The following DCBLD2 variants were observed in gnomAD, a reference collection of about 807,000 sequenced individuals.
DCBLD2 encodes the protein discoidin, CUB and LCCL domain containing 2.
In DCBLD2, 54 loss-of-function variants were observed where a neutral mutation model predicts 86.8. The ratio of observed to expected loss-of-function variants is 0.62; its 90% CI spans 0.50 to 0.78. DCBLD2 has a LOEUF of 0.78. DCBLD2 is among the 30% of genes least tolerant of loss of function. DCBLD2 has a pLI of 0.00. For synonymous variants in DCBLD2, 354 were observed against 341.3 expected (o/e 1.04, Z -0.41); for missense variants, 908 against 954.2 (o/e 0.95, Z 0.64).
rs181289308 is a variant in DCBLD2, at chr3:98,805,410, C to T, written c.1670+2671G>A. The stretch of plus-strand genomic sequence containing the variant: ...CTTTTCTAAATAGAAGTTAGATGCC[C>T]TATATTGCTAGGACAACAAATTTAT... On this transcript the variant is annotated intron_variant, in intron 13 of 15. Coordinates refer to ENST00000326840, the MANE Select transcript of DCBLD2 (RefSeq NM_080927.4). Among the ~76,000 whole-genome samples, 484 of 152,018 alleles carry T rather than the reference C, an allele frequency of 3.2e-3. 2 individuals carry two copies. The highest frequency in any genetic ancestry group is 4.9e-3 in the Non-Finnish European group (336 of 67,956).
chr3:98,812,099 C>T (rs1397340516), intron 10 of DCBLD2, among the ~76,000 whole-genome samples: 9 of 152,156 alleles, frequency 5.9e-5, no homozygotes, highest in Non-Finnish European at 8.8e-5. Context: ...ATCTCATTTA[C>T]ATTATCTTAT....
intron 3 of DCBLD2, among the ~76,000 whole-genome samples, chr3:98,847,899 G>A (rs376655437): frequency 1.3e-5 from 2 of 152,206 alleles, no homozygotes; most frequent in Admixed American, 6.5e-5. Flanking sequence ...GCTAAAACAC[G>A]TGAGAGAGTT....
At chr3:98,803,342 CTCTG>C (rs564070399) in intron 13 of DCBLD2, among the ~76,000 whole-genome samples, 289 of 151,814 alleles carry the variant, frequency 1.9e-3, no homozygotes, top group Admixed American at 6.6e-3. Context: ...TGATTTGGCT[CTCTG>C]TCTGTTATTG....
At chr3:98,836,919 G>T (rs1256916952) in intron 3 of DCBLD2, among the ~76,000 whole-genome samples, 2 of 78,454 alleles carry the variant, frequency 2.5e-5, no homozygotes, top group African/African-American at 5.0e-5. Flanking sequence ...CCGGGCGGGG[G>T]GCTGACCCCC....
chr3:98,868,540 G>A (rs996463183), intron 2 of DCBLD2, among the ~76,000 whole-genome samples: 2 of 152,100 alleles, frequency 1.3e-5, no homozygotes, highest in Non-Finnish European at 1.5e-5. Context: ...TGAAATCTGA[G>A]CTTTTAGTGT....
At position 98,874,023 on chromosome 3, in the gene DCBLD2, G is replaced by A. The variant is rs180826412; in HGVS notation, c.433+7517C>T. 6.2e-3 allele frequency among the ~76,000 whole-genome samples: 944 copies of A among 152,250 alleles called. 11 individuals are homozygous for A. The highest frequency in any genetic ancestry group is 0.022 in the African/African-American group (895 of 41,562). ...ATGGGTAATTTACCAGGCAAGTACC[G>A]TTTATTACAATTGGACCCATTAGAG... On this transcript the variant is annotated intron_variant, in intron 2 of 15. Transcript: ENST00000326840.
At chr3:98,898,311 T>C (rs1943785539) in intron 1 of DCBLD2, among the ~76,000 whole-genome samples, 2 of 151,398 alleles carry the variant, frequency 1.3e-5, no homozygotes, top group South Asian at 4.2e-4. Context: ...ATGACATTAA[T>C]TGGAATGAAG....
intron 3 of DCBLD2, among the ~76,000 whole-genome samples, chr3:98,839,179 T>TTTTCCTTCCTTCCTTC (rs1559781597): frequency 8.8e-6 from 1 of 113,164 alleles, no homozygotes; most frequent in Non-Finnish European, 1.8e-5. Context: ...TTCCTTTCTT[T>TTTTCCTTCCTTCCTTC]CTTCCTTCCT....
Position 98,798,912 on chromosome 3 carries a change from T to C in DCBLD2, c.*460A>G, listed in dbSNP as rs960473901. 2.0e-5 allele frequency: 3 copies of C among 152,738 alleles called. No homozygotes were observed. The highest frequency in any genetic ancestry group is 2.9e-5 in the Non-Finnish European group (2 of 68,328). 9.5% of individuals were successfully genotyped at this position (152,738 alleles called of 1,614,324 possible). A position where few individuals can be genotyped will look rare whatever the true frequency, so the allele number is the denominator to read the frequency against. On this transcript the variant is annotated 3_prime_UTR_variant, in exon 16 of 16. Transcript: ENST00000326840. ...ATTAAAAAAAATCCAGAAAAGAATA[T>C]AGGAATAGAAGAGGAAATCATGATA...
intron 2 of DCBLD2, among the ~76,000 whole-genome samples, chr3:98,868,640 T>C (rs1943204048): frequency 6.6e-6 from 1 of 152,114 alleles, no homozygotes; most frequent in African/African-American, 2.4e-5. Context: ...CGATGTCCAT[T>C]ACAGCATTCT....
At chr3:98,859,817 C>T (rs576180351) in intron 2 of DCBLD2, among the ~76,000 whole-genome samples, 1 of 152,154 alleles carries the variant, frequency 6.6e-6, no homozygotes, top group Admixed American at 6.5e-5. Context: ...ATCAGAGCAC[C>T]TCTCCCCCCA....
chr3:98,850,450 T>G (rs746601860), intron 2 of DCBLD2, among the ~76,000 whole-genome samples: 3 of 152,234 alleles, frequency 2.0e-5, no homozygotes, highest in Non-Finnish European at 4.4e-5. Context: ...GGCCACAGGT[T>G]GGACAAGCTT....
At chr3:98,882,821 C>G (rs1159340094) in intron 1 of DCBLD2, among the ~76,000 whole-genome samples, 2 of 152,124 alleles carry the variant, frequency 1.3e-5, no homozygotes, top group Non-Finnish European at 2.9e-5. Flanking sequence ...CAGTCTATTA[C>G]TGATGAACAC....
At chr3:98,897,814 A>C (rs141251511) in intron 1 of DCBLD2, among the ~76,000 whole-genome samples, 247 of 152,256 alleles carry the variant, frequency 1.6e-3, no homozygotes, top group Admixed American at 6.5e-3. Context: ...CCATGTTCAA[A>C]TTACATTCTA....
chr3:98,848,968 G>A (rs1244629727), intron 3 of DCBLD2, among the ~76,000 whole-genome samples: 1 of 152,068 alleles, frequency 6.6e-6, no homozygotes, highest in Admixed American at 6.6e-5. Context: ...TCAGGAGTTC[G>A]AGACCAGCCT....
In DCBLD2 at chr3:98,799,770, C is replaced by T. The variant is rs1941682034; in HGVS notation, c.1930G>A (p.Gly644Arg). The change falls in exon 16 of 16, where the codon GGA (glycine) becomes AGA (arginine). Residue 644 changes from glycine (G) to arginine (R), a missense_variant. Coordinates refer to ENST00000326840, the MANE Select transcript of DCBLD2 (RefSeq NM_080927.4). ...AGGTCTGCATAGCCTGCTTCTTTTC[C>T]TTCTTCTGGTTTAAAGGTAGATCTT... ...HQRSTFKPEE[G>R]KEAGYADLDP... is the part of the protein sequence containing the mutation. 2 of 1,613,882 alleles carry T rather than the reference C, an allele frequency of 1.2e-6. No individual in the cohort carries two copies. Among genetic ancestry groups the T allele is most frequent in the Non-Finnish European group, 1.7e-6 (2 of 1,179,854 alleles).
Position 98,820,288 on chromosome 3 carries a change from C to T in DCBLD2, c.831G>A (p.Val277=). Reference sequence around the variant, plus strand: ...TAAAAAGACTTGTAGATAAGTGTCCCCTGAAAGAGAGAAGGGTTTTTTTTG... The same window carrying T: ...TAAAAAGACTTGTAGATAAGTGTCCTCTGAAAGAGAGAAGGGTTTTTTTTG... ...SSLANNVTSV[V]GHLSTSLFTF... The change falls in exon 7 of 16, where the codon GTG becomes GTA. Residue 277 remains valine (V), a splice_region_variant and synonymous_variant. Transcript: ENST00000326840. 6.8e-7 allele frequency: 1 copy of T among 1,465,706 alleles called. No homozygotes were observed. Among genetic ancestry groups the T allele is most frequent in the Non-Finnish European group, 9.0e-7 (1 of 1,108,328 alleles). The allele number at this position is 1,465,706 out of a possible 1,614,324, so 90.8% of individuals were successfully genotyped here. A position where few individuals can be genotyped will look rare whatever the true frequency, so the allele number is the denominator to read the frequency against.
chr3:98,825,217 T>C, intron 4 of DCBLD2, 98 bp downstream of exon 4: 1 of 902,922 alleles, frequency 1.1e-6, no homozygotes, highest in Non-Finnish European at 1.6e-6. Flanking sequence ...TCACACAATA[T>C]ACATTAACCC....
chr3:98,879,912 T>G (rs1943436561), intron 2 of DCBLD2, among the ~76,000 whole-genome samples: 1 of 152,234 alleles, frequency 6.6e-6, no homozygotes, highest in Non-Finnish European at 1.5e-5. Context: ...GACCAAACTG[T>G]GGTTCACTTT....
Sources: allele counts gnomAD v4.1 joint callset (sites outside exome capture counted in the v4.1 genomes callset), GRCh38; gene constraint gnomAD v4.1.1; transcripts MANE v1.5; gene names NCBI Gene and HGNC (gene_info 2026-07-23, HGNC 2026-07-21).